Variants in PBK observed in about 807,000 individuals in gnomAD.
PBK encodes lymphokine-activated killer T-cell-originated protein kinase.
Under a neutral mutation model 33.5 loss-of-function variants are expected in PBK, and 22 were observed. The observed-to-expected ratio is 0.66, with a 90% confidence interval of 0.47 to 0.94. PBK has a LOEUF of 0.94. Among genes scored for constraint, PBK ranks in the 40% least tolerant of loss-of-function variants. The pLI, the probability that PBK is intolerant of heterozygous loss-of-function variation, is 0.00. For missense variants in PBK, 376 were observed against 383.4 expected (o/e 0.98, Z 0.16); for synonymous variants, 129 against 123.8 (o/e 1.04, Z -0.28).
rs184798432 is a variant in PBK, at chr8:27,833,424, G to A, written c.-20-291C>T. On this transcript the variant is annotated intron_variant, in intron 1 of 7. Coordinates refer to ENST00000301905, the MANE Select transcript of PBK (RefSeq NM_018492.4). Reference sequence around the variant, plus strand: ...CTTGGGAGGCTGAGGCAGGAGAATCGCTTGAACCTGGGAGGCAGAGGTTGC... The same window carrying A: ...CTTGGGAGGCTGAGGCAGGAGAATCACTTGAACCTGGGAGGCAGAGGTTGC... Among the ~76,000 whole-genome samples, 1,499 of 151,812 alleles carry A rather than the reference G, an allele frequency of 9.9e-3. 20 individuals carry two copies. Among genetic ancestry groups the A allele is most frequent in the African/African-American group, 0.034 (1,389 of 41,342 alleles).
At chr8:27,815,170 A>C (rs1049469658) in intron 6 of PBK, among the ~76,000 whole-genome samples, 17 of 151,862 alleles carry the variant, frequency 1.1e-4, no homozygotes, top group Non-Finnish European at 1.8e-4. Flanking sequence ...AAAGAGGATG[A>C]AACTAACATT....
At chr8:27,835,925 A>C (rs7841730) in intron 1 of PBK, among the ~76,000 whole-genome samples, 106 of 1,430 alleles carry the variant, frequency 0.074, no homozygotes, top group African/African-American at 0.12. Context: ...GAGCACATAC[A>C]ATGTGCTCTA....
chr8:27,827,328 G>C (rs528558653), intron 3 of PBK, among the ~76,000 whole-genome samples: 3 of 152,086 alleles, frequency 2.0e-5, no homozygotes, highest in African/African-American at 7.2e-5. Context: ...CGGGCAGATC[G>C]CTTGAGGCCA....
At chr8:27,837,034 TTCTAAA>T (rs1394544314) in intron 1 of PBK, among the ~76,000 whole-genome samples, 1 of 152,072 alleles carries the variant, frequency 6.6e-6, no homozygotes, top group Non-Finnish European at 1.5e-5. Context: ...ACCATACTAA[TTCTAAA>T]TCACAAGGTT....
At chr8:27,828,006 C>A in intron 3 of PBK, 99 bp downstream of exon 3, 1 of 586,036 alleles carries the variant, frequency 1.7e-6, no homozygotes, top group Non-Finnish European at 3.0e-6. Context: ...AGCAGACAAC[C>A]GAATCTAAAT....
chr8:27,819,612 G>A (rs915439874), intron 6 of PBK, among the ~76,000 whole-genome samples: 1 of 151,898 alleles, frequency 6.6e-6, no homozygotes, highest in African/African-American at 2.4e-5. Flanking sequence ...GTTTTTTTGT[G>A]TGATCTAAGA....
chr8:27,812,815 AAAC>A (rs1174265109), intron 6 of PBK, among the ~76,000 whole-genome samples: 7 of 152,168 alleles, frequency 4.6e-5, no homozygotes, highest in East Asian at 1.9e-4. Flanking sequence ...AAAAGTCAGG[AAAC>A]AACAGATGCT....
chr8:27,817,063 C>A (rs1268300872), intron 6 of PBK, among the ~76,000 whole-genome samples: 1 of 152,048 alleles, frequency 6.6e-6, no homozygotes. Flanking sequence ...TACAGAAATG[C>A]CTTCCCTGAG....
chr8:27,811,823 T>C (rs1805690804), intron 6 of PBK, among the ~76,000 whole-genome samples: 2 of 152,216 alleles, frequency 1.3e-5, no homozygotes, highest in Admixed American at 1.3e-4. Flanking sequence ...TTCTCAGTGA[T>C]GCTTTATAGT....
intron 3 of PBK, among the ~76,000 whole-genome samples, chr8:27,826,093 A>G (rs1806020278): frequency 6.6e-6 from 1 of 152,232 alleles, no homozygotes; most frequent in African/African-American, 2.4e-5. Flanking sequence ...GACAGATAAC[A>G]TAAAACGGAT....
chr8:27,837,281 T>G (rs1195801527), intron 1 of PBK, among the ~76,000 whole-genome samples: 2 of 152,174 alleles, frequency 1.3e-5, no homozygotes, highest in African/African-American at 4.8e-5. Flanking sequence ...CCTGGGACCC[T>G]GGGACTCAAC....
At chr8:27,811,210 G>T in intron 6 of PBK, 76 bp from the exon 7 acceptor site, 2 of 1,208,786 alleles carry the variant, frequency 1.7e-6, no homozygotes, top group South Asian at 2.4e-5. Context: ...GGAAACAGGC[G>T]AACGATTTGA....
At chr8:27,832,943 T>C (rs1806156333) in intron 2 of PBK, 113 bp downstream of exon 2, 2 of 626,192 alleles carry the variant, frequency 3.2e-6, no homozygotes, top group Admixed American at 3.1e-5. Flanking sequence ...TAAAGGGGAG[T>C]TACATTAAAG....
At chr8:27,830,194 T>G (rs780747472) in intron 2 of PBK, among the ~76,000 whole-genome samples, 10 of 119,292 alleles carry the variant, frequency 8.4e-5, no homozygotes, top group Non-Finnish European at 1.5e-4. Flanking sequence ...CAGAGCAAGA[T>G]TCTGTCTCAA....
chr8:27,810,245 ATG>A lies in PBK; in HGVS notation c.*58_*59del, dbSNP rs1805644859. 8.9e-7 allele frequency: 1 copy of A among 1,124,002 alleles called. No homozygotes were observed. 69.6% of individuals were successfully genotyped at this position (1,124,002 alleles called of 1,614,324 possible). On this transcript the variant is annotated 3_prime_UTR_variant, in exon 8 of 8. Coordinates refer to ENST00000301905, the MANE Select transcript of PBK (RefSeq NM_018492.4). ...AGTCTAATAACTACTGATAGTAACT[ATG>A]TAAATATTTTGGAATAAACAGTTAT... is the stretch of plus-strand genomic sequence containing the variant.
In PBK at chr8:27,810,973, C is replaced by T; in HGVS notation, c.757G>A (p.Asp253Asn). ...GTATTCATACCTTCATCATCATCAT[C>T]ATTTGAAAGATTAATGTGTGGAATC... ...LSIPHINLSN[D>N]DDDEDKTFDE... is the part of the protein sequence containing the mutation. Residue 253 changes from aspartate to asparagine, a missense_variant, in exon 7 of 8, where the codon GAT (aspartate) becomes AAT (asparagine). Transcript: ENST00000301905. 6.3e-7 allele frequency: 1 copy of T among 1,595,490 alleles called. No homozygotes were observed. Among genetic ancestry groups the T allele is most frequent in the East Asian group, 2.2e-5 (1 of 44,768 alleles).
intron 7 of PBK, 129 bp from the exon 8 acceptor site, chr8:27,810,630 T>C: frequency 1.6e-6 from 1 of 620,384 alleles, no homozygotes; most frequent in East Asian, 2.7e-5. Context: ...ACAGACAGAA[T>C]GGAAATGTCT....
chr8:27,826,005 A>G (rs1369811131), intron 3 of PBK, among the ~76,000 whole-genome samples: 1 of 152,202 alleles, frequency 6.6e-6, no homozygotes, highest in Non-Finnish European at 1.5e-5. Context: ...AGATCCCCAC[A>G]TCCACTCATG....
intron 1 of PBK, among the ~76,000 whole-genome samples, chr8:27,835,676 C>G (rs1487651257): frequency 6.6e-6 from 1 of 152,144 alleles, no homozygotes; most frequent in Non-Finnish European, 1.5e-5. Context: ...CTCAGCCTCC[C>G]AAGTAGCTGG....
Sources: gnomAD v4.1 joint callset for allele counts (sites outside exome capture counted in the v4.1 genomes callset) on GRCh38, gnomAD v4.1.1 for gene constraint, MANE v1.5 for transcripts, NCBI Gene and HGNC (gene_info 2026-07-23, HGNC 2026-07-21) for gene names.